The following WDR7 variants were observed in gnomAD, a reference collection of about 807,000 sequenced individuals.
The protein encoded by WDR7 is WD repeat domain 7.
Under a neutral mutation model 169.4 loss-of-function variants are expected in WDR7, and 46 were observed. That is an observed-to-expected ratio of 0.27 (90% confidence interval 0.21 to 0.35). WDR7 has a LOEUF of 0.35. WDR7 is among the 10% of genes least tolerant of loss of function. The pLI, the probability that WDR7 is intolerant of heterozygous loss-of-function variation, is 1.00. For missense variants in WDR7, 1,534 were observed against 1,859.3 expected (o/e 0.83, Z 3.22); for synonymous variants, 612 against 666.8 (o/e 0.92, Z 1.27).
intron 21 of WDR7, among the ~76,000 whole-genome samples, chr18:56,912,670 T>C (rs968687069): frequency 6.6e-6 from 1 of 152,132 alleles, no homozygotes; most frequent in African/African-American, 2.4e-5. Context: ...CATATGATAA[T>C]TCCAACTATG....
intron 21 of WDR7, among the ~76,000 whole-genome samples, chr18:56,913,932 TA>T (rs2046587733): frequency 6.6e-6 from 1 of 152,232 alleles, no homozygotes; most frequent in African/African-American, 2.4e-5. Flanking sequence ...CTTGCCCCAC[TA>T]CGGTCTATTC....
chr18:56,694,794 T>C, intron 10 of WDR7, 34 bp downstream of exon 10: 1 of 1,575,212 alleles, frequency 6.3e-7, no homozygotes, highest in Non-Finnish European at 8.6e-7. Flanking sequence ...ATTTCTTAAT[T>C]AATTTAATAT....
intron 26 of WDR7, among the ~76,000 whole-genome samples, chr18:57,009,484 T>C (rs1376400100): frequency 1.3e-5 from 2 of 152,190 alleles, no homozygotes; most frequent in Non-Finnish European, 2.9e-5. Flanking sequence ...AACCTTGTAA[T>C]GCAGAACAAC....
chr18:57,015,466 A>G (rs1240680586), intron 26 of WDR7, among the ~76,000 whole-genome samples: 1 of 152,164 alleles, frequency 6.6e-6, no homozygotes, highest in African/African-American at 2.4e-5. Flanking sequence ...CTGGAACATA[A>G]TTAATTCTTA....
intron 21 of WDR7, among the ~76,000 whole-genome samples, chr18:56,890,388 T>C (rs926966063): frequency 6.6e-6 from 1 of 152,168 alleles, no homozygotes; most frequent in Admixed American, 6.6e-5. Flanking sequence ...AATAGGTTAA[T>C]ATAGGTTGAG....
chr18:56,733,290 A>G (rs2026627708), intron 14 of WDR7, among the ~76,000 whole-genome samples: 1 of 152,162 alleles, frequency 6.6e-6, no homozygotes, highest in South Asian at 2.1e-4. Context: ...TAAAAAATGT[A>G]TGTTGGCTGG....
At chr18:56,827,463 G>A (rs371896563) in intron 20 of WDR7, among the ~76,000 whole-genome samples, 9 of 152,018 alleles carry the variant, frequency 5.9e-5, no homozygotes, top group Admixed American at 2.0e-4. Context: ...GACAAATGTC[G>A]CCTGTTCTCA....
Position 57,015,557 on chromosome 18 carries a change from T to C in WDR7, c.4165-5188T>C, listed in dbSNP as rs78393388. On this transcript the variant is annotated intron_variant, in intron 26 of 27. Coordinates refer to ENST00000254442, the MANE Select transcript of WDR7 (RefSeq NM_015285.3). Reference sequence around the variant, plus strand: ...AGAGCTGTCAGTCAGAGCGATGTCTTTGTCTTCTCTCTGCCTTGAGCAGTT... The same window carrying C: ...AGAGCTGTCAGTCAGAGCGATGTCTCTGTCTTCTCTCTGCCTTGAGCAGTT... Among the ~76,000 whole-genome samples, 1,253 of 152,324 alleles carry C rather than the reference T, an allele frequency of 8.2e-3. 16 individuals carry two copies. Among genetic ancestry groups the C allele is most frequent in the African/African-American group, 0.029 (1,192 of 41,568 alleles).
intron 19 of WDR7, among the ~76,000 whole-genome samples, chr18:56,789,997 A>T (rs1320381663): frequency 6.6e-6 from 1 of 152,190 alleles, no homozygotes; most frequent in African/African-American, 2.4e-5. Context: ...ATAATAAATG[A>T]CCTAATATTA....
At chr18:56,821,588 A>G (rs1476241376) in intron 20 of WDR7, among the ~76,000 whole-genome samples, 5 of 151,842 alleles carry the variant, frequency 3.3e-5, no homozygotes, top group Non-Finnish European at 7.4e-5. Context: ...ATTGTTTATG[A>G]TAAGAGGTAG....
chr18:56,828,052 C>T (rs1445227467), intron 20 of WDR7, among the ~76,000 whole-genome samples: 1 of 152,134 alleles, frequency 6.6e-6, no homozygotes, highest in African/African-American at 2.4e-5. Flanking sequence ...TGATAACTAA[C>T]ATCATTTATA....
chr18:57,032,523 G>A (rs745415136), downstream of WDR7: 7 of 152,146 alleles, frequency 4.6e-5, no homozygotes, highest in Non-Finnish European at 7.3e-5. Context: ...TGGTGAGCCA[G>A]CAAAGTTTCA....
At chr18:56,947,971 T>C (rs2047129871) in intron 25 of WDR7, among the ~76,000 whole-genome samples, 1 of 152,176 alleles carries the variant, frequency 6.6e-6, no homozygotes, top group African/African-American at 2.4e-5. Context: ...ACTTTGTAAG[T>C]TTACGGTGAT....
rs759355163 is a variant in WDR7, at chr18:56,822,565, G to A, written c.3304+6421G>A. 3.9e-5 allele frequency among the ~76,000 whole-genome samples: 6 copies of A among 152,134 alleles called. 1 individual carries two copies. The South Asian group carries it at 6.2e-4, about 16-fold the overall frequency. On this transcript the variant is annotated intron_variant, in intron 20 of 27. Transcript: ENST00000254442. The stretch of plus-strand genomic sequence containing the variant: ...GAAACCAGACGTTCTTTCCTAGCCC[G>A]GAGTCAGAGGCTGTATAATTTGTAA...
chr18:57,009,796 C>T, intron 26 of WDR7: 1 of 946,310 alleles, frequency 1.1e-6, no homozygotes, highest in South Asian at 4.9e-5. Context: ...AATATAAATT[C>T]CCTAGCTTTA....
At chr18:56,943,206 G>C (rs576352415) in intron 25 of WDR7, among the ~76,000 whole-genome samples, 14 of 152,142 alleles carry the variant, frequency 9.2e-5, no homozygotes, top group Non-Finnish European at 1.5e-4. Context: ...GATTCTACTA[G>C]GTGCCTTACA....
chr18:56,842,308 T>A (rs1346213195), intron 20 of WDR7, among the ~76,000 whole-genome samples: 2 of 144,436 alleles, frequency 1.4e-5, no homozygotes. Flanking sequence ...GCAAGAGAGT[T>A]CCCCTGTGTG....
At chr18:56,821,207 A>T (rs868661927) in intron 20 of WDR7, among the ~76,000 whole-genome samples, 48 of 152,226 alleles carry the variant, frequency 3.2e-4, no homozygotes, top group Non-Finnish European at 5.0e-4. Flanking sequence ...TATGCAGTAT[A>T]TTAGAAGATG....
chr18:56,660,971 G>T (rs940958418), intron 1 of WDR7, among the ~76,000 whole-genome samples: 1 of 152,192 alleles, frequency 6.6e-6, no homozygotes, highest in Non-Finnish European at 1.5e-5. Context: ...GTTTAAAATG[G>T]AAATGGAGAG....
Sources: gnomAD v4.1 joint callset for allele counts (sites outside exome capture counted in the v4.1 genomes callset) on GRCh38, gnomAD v4.1.1 for gene constraint, MANE v1.5 for transcripts, NCBI Gene and HGNC (gene_info 2026-07-23, HGNC 2026-07-21) for gene names.